The following ATP2B4 variants were observed in gnomAD, a reference collection of about 807,000 sequenced individuals.
ATP2B4 encodes plasma membrane calcium-transporting ATPase 4.
Under a neutral mutation model 110.3 loss-of-function variants are expected in ATP2B4, and 39 were observed. The observed-to-expected ratio is 0.35, with a 90% CI of 0.27 to 0.46. ATP2B4 has a LOEUF of 0.46. Among genes scored for constraint, ATP2B4 ranks in the 20% least tolerant of loss-of-function variants. The pLI, the probability that ATP2B4 is intolerant of heterozygous loss-of-function variation, is 1.00. For synonymous variants in ATP2B4, 538 were observed against 571.7 expected, an observed-to-expected ratio of 0.94 and a Z score of 0.84; for missense variants, 1,135 against 1,530.9, an observed-to-expected ratio of 0.74 and a Z score of 4.32.
chr1:203,724,865 C>CACT, intron 19 of ATP2B4, among the ~76,000 whole-genome samples: 1 of 101,496 alleles, frequency 9.9e-6, no homozygotes, highest in East Asian at 3.1e-4. Flanking sequence ...ATCCAGCTCT[C>CACT]TGTTTTTTTT....
chr1:203,689,050 T>C (rs1044227307), intron 2 of ATP2B4, among the ~76,000 whole-genome samples: 3 of 152,164 alleles, frequency 2.0e-5, no homozygotes, highest in African/African-American at 7.2e-5. Flanking sequence ...TCTTTCCCTG[T>C]CCCATTCCCA....
intron 15 of ATP2B4, among the ~76,000 whole-genome samples, chr1:203,715,892 A>G (rs1239346711): frequency 6.9e-6 from 1 of 144,684 alleles, no homozygotes; most frequent in Non-Finnish European, 1.5e-5. Flanking sequence ...TACTAGCTGT[A>G]TAGTAGGTTT....
At chr1:203,655,677 AAACAAAAGG>A (rs1175108820) in intron 1 of ATP2B4, among the ~76,000 whole-genome samples, 1 of 151,952 alleles carries the variant, frequency 6.6e-6, no homozygotes, top group Non-Finnish European at 1.5e-5. Flanking sequence ...ATAAAATAAG[AAACAAAAGG>A]AAGAAAAGGA....
At chr1:203,660,917 C>T (rs1664320289) in intron 1 of ATP2B4, among the ~76,000 whole-genome samples, 1 of 151,902 alleles carries the variant, frequency 6.6e-6, no homozygotes, top group African/African-American at 2.4e-5. Context: ...TCGAGACCAG[C>T]TTGGCAACAT....
intron 1 of ATP2B4, among the ~76,000 whole-genome samples, chr1:203,652,063 A>G (rs973423685): frequency 6.6e-6 from 1 of 151,336 alleles, no homozygotes; most frequent in East Asian, 1.9e-4. Context: ...TCTCAAAAAA[A>G]AAAAAGCAAA....
chr1:203,627,668 G>C (rs1475894422), intron 1 of ATP2B4, among the ~76,000 whole-genome samples: 1 of 125,514 alleles, frequency 8.0e-6, no homozygotes, highest in Admixed American at 8.7e-5. Flanking sequence ...GCCCAAAAGA[G>C]AGATGGAAAA....
chr1:203,701,886 G>A (rs1665703289), intron 6 of ATP2B4, among the ~76,000 whole-genome samples, 158 bp from the exon 7 acceptor site: 1 of 152,182 alleles, frequency 6.6e-6, no homozygotes, highest in African/African-American at 2.4e-5. Flanking sequence ...AAGAATGAAT[G>A]AAAACAGAGA....
chr1:203,706,198 C>T (rs1311459008), intron 8 of ATP2B4, among the ~76,000 whole-genome samples: 4 of 152,130 alleles, frequency 2.6e-5, no homozygotes, highest in Non-Finnish European at 5.9e-5. Flanking sequence ...TGTAGGGTAA[C>T]CAACCATCCC....
chr1:203,659,417 C>T lies in ATP2B4; in HGVS notation c.-464-23325C>T, dbSNP rs1004971126. Among the ~76,000 whole-genome samples, 42 of 152,092 alleles carry T rather than the reference C, an allele frequency of 2.8e-4. 1 individual carries two copies. Among genetic ancestry groups the T allele is most frequent in the Non-Finnish European group, 1.6e-4 (11 of 68,020 alleles). ...GGTGCAGTGGCTCACACCCATAATC[C>T]CAGCACTTTGGGAGGCAGAGGTGGG... is the stretch of plus-strand genomic sequence containing the variant. On this transcript the variant is annotated intron_variant, in intron 1 of 20. Transcript: ENST00000357681.
At position 203,709,481 on chromosome 1, in the gene ATP2B4, A is replaced by G. The variant is rs1665942835; in HGVS notation, c.1738A>G (p.Arg580Gly). ...SVRKSMSTVI[R>G]NPNGGFRMYS... Reference sequence around the variant, plus strand: ...GCGCAAGTCAATGAGCACCGTCATCAGGAATCCCAACGGTGGCTTCCGTAT... The same window carrying G: ...GCGCAAGTCAATGAGCACCGTCATCGGGAATCCCAACGGTGGCTTCCGTAT... Residue 580 changes from arginine to glycine, a missense_variant, in exon 11 of 21, where the codon AGG becomes GGG. Physicochemically the swap from Arg to Gly is moderately radical, Grantham distance 125. Transcript: ENST00000357681. 1 of 1,614,084 alleles carries G rather than the reference A, an allele frequency of 6.2e-7. No homozygotes were observed. The highest frequency in any genetic ancestry group is 1.7e-5 in the Admixed American group (1 of 60,010).
intron 18 of ATP2B4, among the ~76,000 whole-genome samples, chr1:203,723,371 C>G (rs1437983285): frequency 7.4e-6 from 1 of 134,854 alleles, no homozygotes; most frequent in South Asian, 2.5e-4. Context: ...AGTGTTATTA[C>G]GCCTGCCATT....
chr1:203,727,659 G>A, intron 20 of ATP2B4, 88 bp downstream of exon 20: 2 of 1,517,538 alleles, frequency 1.3e-6, no homozygotes, highest in South Asian at 2.4e-5. Context: ...TTGTCGGCCA[G>A]CATCTCTTCC....
At chr1:203,637,767 G>A (rs1021285703) in intron 1 of ATP2B4, among the ~76,000 whole-genome samples, 8 of 152,234 alleles carry the variant, frequency 5.3e-5, no homozygotes, top group African/African-American at 1.9e-4. Flanking sequence ...GCCCAAGGTA[G>A]AGAGGAATGT....
intron 19 of ATP2B4, among the ~76,000 whole-genome samples, chr1:203,724,556 G>T (rs1666446522): frequency 6.6e-6 from 1 of 151,528 alleles, no homozygotes; most frequent in African/African-American, 2.4e-5. Flanking sequence ...GCTTCTCTGA[G>T]ACAGAAACCA....
At chr1:203,657,006 A>T (rs1172546197) in intron 1 of ATP2B4, 1 of 736,936 alleles carries the variant, frequency 1.4e-6, no homozygotes, top group Non-Finnish European at 2.5e-6. Flanking sequence ...CATCATTTTC[A>T]GGACTGTTGG....
intron 2 of ATP2B4, among the ~76,000 whole-genome samples, chr1:203,692,323 A>T (rs966403543): frequency 3.3e-5 from 5 of 152,102 alleles, no homozygotes; most frequent in African/African-American, 1.2e-4. Context: ...GACCACAGGC[A>T]CACGCCATCA....
intron 1 of ATP2B4, among the ~76,000 whole-genome samples, chr1:203,642,107 G>C (rs1558011800): frequency 1.3e-5 from 2 of 152,084 alleles, no homozygotes; most frequent in Non-Finnish European, 2.9e-5. Context: ...TTAGAGACAG[G>C]ATCTCACTTT....
chr1:203,683,483 A>T lies in ATP2B4; in HGVS notation c.193+85A>T, dbSNP rs549956406. 2.6e-5 allele frequency: 36 copies of T among 1,375,948 alleles called. No homozygotes were observed. The African/African-American group carries it at 5.0e-4, about 19-fold the overall frequency. 85.2% of individuals were successfully genotyped at this position (1,375,948 alleles called of 1,614,324 possible). On this transcript the variant is annotated intron_variant, in intron 2 of 20. Transcript: ENST00000357681. ...TTTTCCCAGCTTCTAGAGAAGGCAC[A>T]TTTCTGGAGGCCCAGCTGGTATATT... is the stretch of plus-strand genomic sequence containing the variant.
intron 1 of ATP2B4, among the ~76,000 whole-genome samples, chr1:203,640,737 A>G (rs1663600394): frequency 6.6e-6 from 1 of 152,208 alleles, no homozygotes; most frequent in Non-Finnish European, 1.5e-5. Context: ...TTCTCAGTGA[A>G]CAGTGAGGTC....
Sources: allele counts gnomAD v4.1 joint callset (sites outside exome capture counted in the v4.1 genomes callset), GRCh38; gene constraint gnomAD v4.1.1; transcripts MANE v1.5; gene names NCBI Gene and HGNC (gene_info 2026-07-23, HGNC 2026-07-21).